The following XIRP2 variants were observed in gnomAD, a reference collection of about 807,000 sequenced individuals.
XIRP2 encodes xin actin binding repeat containing 2.
Under a neutral mutation model 277.0 loss-of-function variants are expected in XIRP2, and 236 were observed. The observed-to-expected ratio is 0.85, with a 90% CI of 0.77 to 0.95. XIRP2 has a LOEUF of 0.95. Ranked by LOEUF, XIRP2 falls within the 40% of genes least tolerant of loss-of-function variation. The pLI is 0.00. For missense variants in XIRP2, 4,640 were observed against 4,157.5 expected, an observed-to-expected ratio of 1.12 and a Z score of -3.19; for synonymous variants, 1,490 against 1,416.5, an observed-to-expected ratio of 1.05 and a Z score of -1.17.
chr2:167,161,244 C>A (rs1692352996), intron 3 of XIRP2, among the ~76,000 whole-genome samples: 1 of 152,152 alleles, frequency 6.6e-6, no homozygotes, highest in African/African-American at 2.4e-5. Flanking sequence ...AGTGGATATA[C>A]CATTCTCGAG....
chr2:166,924,930 T>C (rs1386754013), intron 2 of XIRP2, among the ~76,000 whole-genome samples: 1 of 152,090 alleles, frequency 6.6e-6, no homozygotes, highest in African/African-American at 2.4e-5. Context: ...GAGTTTGTAT[T>C]TTGTCTCTTA....
At chr2:167,169,151 G>C (rs1692610817) in intron 3 of XIRP2, among the ~76,000 whole-genome samples, 1 of 152,136 alleles carries the variant, frequency 6.6e-6, no homozygotes, top group African/African-American at 2.4e-5. Context: ...CTATGATTAG[G>C]CTCTGGTTAA....
At position 167,244,260 on chromosome 2, in the gene XIRP2, TTTAA is replaced by T. The variant is rs994901470; in HGVS notation, c.2873_2876del (p.Ile958AsnfsTer8). ...ACACACATATCTTTGAATCAAACAA[TTTAA>T]TTAAATTTGATGCATCACATAAAAT... On this transcript the variant is annotated frameshift_variant, in exon 9 of 11. Coordinates refer to ENST00000409195, the MANE Select transcript of XIRP2 (RefSeq NM_152381.6). LOFTEE classifies it high-confidence loss of function. 8 of 1,613,568 alleles carry T rather than the reference TTTAA, an allele frequency of 5.0e-6. No individual in the cohort carries two copies. Among genetic ancestry groups the T allele is most frequent in the African/African-American group, 1.3e-5 (1 of 74,876 alleles).
intron 3 of XIRP2, among the ~76,000 whole-genome samples, chr2:167,186,775 C>T (rs944025598): frequency 6.6e-6 from 1 of 151,642 alleles, no homozygotes; most frequent in Non-Finnish European, 1.5e-5. Flanking sequence ...TCTCTATTCT[C>T]TCTAGAATTC....
intron 3 of XIRP2, among the ~76,000 whole-genome samples, chr2:167,189,795 CA>C (rs1559013509): frequency 6.6e-6 from 1 of 152,172 alleles, no homozygotes; most frequent in Non-Finnish European, 1.5e-5. Flanking sequence ...GGCTGTCCTA[CA>C]GTTCAATTCA....
chr2:166,968,624 T>C (rs1686490156), intron 2 of XIRP2, among the ~76,000 whole-genome samples: 1 of 152,006 alleles, frequency 6.6e-6, no homozygotes, highest in Non-Finnish European at 1.5e-5. Flanking sequence ...TTTTTACATA[T>C]GAGGAAATAT....
intron 2 of XIRP2, among the ~76,000 whole-genome samples, chr2:167,129,305 C>T (rs1007261911): frequency 6.6e-6 from 1 of 152,088 alleles, no homozygotes; most frequent in African/African-American, 2.4e-5. Flanking sequence ...TAAATGTAGA[C>T]AAATCTAAAT....
intron 2 of XIRP2, among the ~76,000 whole-genome samples, chr2:167,122,466 A>C (rs1691083341): frequency 6.6e-6 from 1 of 152,176 alleles, no homozygotes; most frequent in Non-Finnish European, 1.5e-5. Context: ...GGCATCAGAA[A>C]TGTTGAAGCC....
At chr2:167,235,912 AATTGC>A (rs1177415413) in intron 5 of XIRP2, among the ~76,000 whole-genome samples, 1 of 152,048 alleles carries the variant, frequency 6.6e-6, no homozygotes, top group African/African-American at 2.4e-5. Flanking sequence ...GTCACCCACA[AATTGC>A]TATGCTCATC....
chr2:166,979,362 T>C (rs796489525), intron 2 of XIRP2, among the ~76,000 whole-genome samples: 20 of 129,288 alleles, frequency 1.5e-4, no homozygotes, highest in African/African-American at 6.3e-4. Context: ...TTCTTTTCTT[T>C]TCTTTTCTTT....
chr2:166,997,803 G>A (rs1558941591), intron 2 of XIRP2, among the ~76,000 whole-genome samples: 1 of 151,910 alleles, frequency 6.6e-6, no homozygotes, highest in Non-Finnish European at 1.5e-5. Context: ...TACTCGGGAG[G>A]CTGAAGCAGG....
intron 2 of XIRP2, among the ~76,000 whole-genome samples, chr2:166,970,343 T>C (rs1308589272): frequency 6.6e-6 from 1 of 152,076 alleles, no homozygotes; most frequent in Non-Finnish European, 1.5e-5. Flanking sequence ...AAAATCATTA[T>C]AATTTACCTG....
Position 167,038,341 on chromosome 2 carries a change from C to T in XIRP2, c.409-97568C>T, listed in dbSNP as rs574526547. ...TGAAGCTAAAAGAGGCCATGAAAAC[C>T]AATAAAGTACATTTGGTTTAAATTT... On this transcript the variant is annotated intron_variant, in intron 2 of 10. Coordinates refer to ENST00000409195, the MANE Select transcript of XIRP2 (RefSeq NM_152381.6). 1.4e-4 allele frequency among the ~76,000 whole-genome samples: 21 copies of T among 151,914 alleles called. 1 individual carries two copies. The highest frequency in any genetic ancestry group is 1.0e-3 in the South Asian group (5 of 4,826).
chr2:166,943,179 A>G lies in XIRP2; in HGVS notation c.408+39289A>G, dbSNP rs1056952206. Among the ~76,000 whole-genome samples the G allele has an allele frequency of 5.3e-5, 8 of 152,276 alleles. No homozygotes were observed. In the East Asian group the frequency reaches 1.5e-3, roughly 29 times the overall value. On this transcript the variant is annotated intron_variant, in intron 2 of 10. Transcript: ENST00000409195. ...TAAGAAAAGTAAGAAAAAGGTACTAACTATAAATCATTATCATAGGCCTAA... is the reference window on the plus strand; with the variant it reads ...TAAGAAAAGTAAGAAAAAGGTACTAGCTATAAATCATTATCATAGGCCTAA...
chr2:167,195,246 T>G (rs578126978), intron 3 of XIRP2, among the ~76,000 whole-genome samples: 1 of 152,214 alleles, frequency 6.6e-6, no homozygotes, highest in Non-Finnish European at 1.5e-5. Flanking sequence ...TCCTTGGTGA[T>G]GTCAACATCA....
At chr2:167,003,069 G>T (rs1277606757) in intron 2 of XIRP2, among the ~76,000 whole-genome samples, 1 of 151,784 alleles carries the variant, frequency 6.6e-6, no homozygotes, top group African/African-American at 2.4e-5. Context: ...GAAATACCAA[G>T]AGAGAATGAA....
intron 2 of XIRP2, among the ~76,000 whole-genome samples, chr2:167,029,697 G>T (rs1468506320): frequency 6.6e-6 from 1 of 152,092 alleles, no homozygotes; most frequent in South Asian, 2.1e-4. Flanking sequence ...CCAGGTTTTG[G>T]TATCAGGATG....
intron 4 of XIRP2, among the ~76,000 whole-genome samples, chr2:167,213,651 A>C (rs919956153): frequency 1.3e-5 from 2 of 152,194 alleles, no homozygotes; most frequent in African/African-American, 4.8e-5. Flanking sequence ...AACATTCATT[A>C]GTTGGGATAT....
chr2:167,030,447 A>G (rs1165633910), intron 2 of XIRP2, among the ~76,000 whole-genome samples: 3 of 151,980 alleles, frequency 2.0e-5, no homozygotes, highest in East Asian at 3.9e-4. Flanking sequence ...AAACTTATTT[A>G]TTTCTGCCTT....
Sources: gnomAD v4.1 joint callset for allele counts (sites outside exome capture counted in the v4.1 genomes callset) on GRCh38, gnomAD v4.1.1 for gene constraint, MANE v1.5 for transcripts, NCBI Gene and HGNC (gene_info 2026-07-23, HGNC 2026-07-21) for gene names.